The following PRKCB variants were observed in gnomAD, a reference collection of about 807,000 sequenced individuals.
PRKCB encodes the protein protein kinase C beta, also known as protein kinase C beta type.
PRKCB carries 13 observed loss-of-function variants against 81.5 expected under a neutral mutation model. That is an observed-to-expected ratio of 0.16 (90% CI 0.10 to 0.25). The LOEUF (loss-of-function observed/expected upper bound fraction) is 0.25, where lower values mean the gene tolerates loss of function less well. Among genes scored for constraint, PRKCB ranks in the 10% least tolerant of loss-of-function variants. The pLI, the probability that PRKCB is intolerant of heterozygous loss-of-function variation, is 1.00. For synonymous variants in PRKCB, 335 were observed against 321.4 expected, an observed-to-expected ratio of 1.04 and a Z score of -0.45; for missense variants, 509 against 875.7, an observed-to-expected ratio of 0.58 and a Z score of 5.29.
Position 24,217,607 on chromosome 16 carries a change from G to A in PRKCB, c.*2791G>A, listed in dbSNP as rs1421578589. ...TGCCCACAGGACAAAGTCCATAAAA[G>A]CAAGTCCTGTCTGGACCATGTGGTT... On this transcript the variant is annotated 3_prime_UTR_variant, in exon 17 of 17. Coordinates refer to ENST00000643927, the MANE Select transcript of PRKCB (RefSeq NM_002738.7). 1.0e-6 allele frequency: 1 copy of A among 985,306 alleles called. No homozygotes were observed. The highest frequency in any genetic ancestry group is 1.2e-6 in the Non-Finnish European group (1 of 829,974). 61.0% of individuals were successfully genotyped at this position (985,306 alleles called of 1,614,324 possible).
intron 15 of PRKCB, among the ~76,000 whole-genome samples, chr16:24,190,059 GCGCATCTATTCATC>G (rs1392533273): frequency 6.6e-6 from 1 of 152,094 alleles, no homozygotes; most frequent in Non-Finnish European, 1.5e-5. Context: ...TTTCATCTTG[GCGCATCTATTCATC>G]TTGTTATTTA....
intron 2 of PRKCB, among the ~76,000 whole-genome samples, chr16:23,958,764 A>G (rs898589890): frequency 6.8e-5 from 8 of 116,858 alleles, no homozygotes; most frequent in African/African-American, 2.4e-4. Context: ...CCCTCTTCTT[A>G]TTCCTCCTCC....
intron 12 of PRKCB, among the ~76,000 whole-genome samples, chr16:24,177,325 A>C (rs1395065275): frequency 2.6e-5 from 4 of 152,144 alleles, no homozygotes; most frequent in Non-Finnish European, 5.9e-5. Context: ...GATGATACCT[A>C]TTCCAAAGCC....
intron 2 of PRKCB, among the ~76,000 whole-genome samples, chr16:23,965,974 A>G (rs1227288287): frequency 1.2e-4 from 18 of 152,338 alleles, no homozygotes; most frequent in Non-Finnish European, 1.5e-4. Context: ...ACTTCAGTCT[A>G]TGAAGCTGGA....
intron 15 of PRKCB, among the ~76,000 whole-genome samples, chr16:24,189,569 G>A (rs1160850120): frequency 6.6e-6 from 1 of 151,324 alleles, no homozygotes. Context: ...GTGAACCCGG[G>A]AGGTGGAGCT....
chr16:24,021,075 C>CCTTTCTTTCTTTCTTTT (rs1567346868), intron 3 of PRKCB, among the ~76,000 whole-genome samples: 1 of 121,988 alleles, frequency 8.2e-6, no homozygotes, highest in African/African-American at 3.0e-5. Flanking sequence ...TCCCTCCCTT[C>CCTTTCTTTCTTTCTTTT]TTTCTTTCTT....
At chr16:23,856,903 A>G (rs902940915) in intron 2 of PRKCB, among the ~76,000 whole-genome samples, 17 of 152,196 alleles carry the variant, frequency 1.1e-4, no homozygotes, top group Non-Finnish European at 1.9e-4. Flanking sequence ...CTCTTACTGC[A>G]GGTAACTGTC....
chr16:24,191,403 C>T lies in PRKCB; in HGVS notation c.1863+173C>T, dbSNP rs146665111. 1,766 of 691,014 alleles carry T rather than the reference C, an allele frequency of 2.6e-3. 23 individuals are homozygous for T. The African/African-American group carries it at 0.029, about 11-fold the overall frequency. The allele number at this position is 691,014 out of a possible 1,614,324, so 42.8% of individuals were successfully genotyped here. A position where few individuals can be genotyped will look rare whatever the true frequency, so the allele number is the denominator to read the frequency against. ...CACTGGTTACTAAGATGGACATTTTCCATTGGCCCAGCTTAGTCTCTATAA... is the reference window on the plus strand; with the variant it reads ...CACTGGTTACTAAGATGGACATTTTTCATTGGCCCAGCTTAGTCTCTATAA... On this transcript the variant is annotated intron_variant, in intron 16 of 16. Coordinates refer to ENST00000643927, the MANE Select transcript of PRKCB (RefSeq NM_002738.7).
At chr16:23,932,364 G>T (rs1963990361) in intron 2 of PRKCB, among the ~76,000 whole-genome samples, 1 of 152,202 alleles carries the variant, frequency 6.6e-6, no homozygotes, top group South Asian at 2.1e-4. Flanking sequence ...GAGATATGCT[G>T]AAGAATTTAT....
At chr16:24,035,320 A>T in intron 4 of PRKCB, 99 bp from the exon 5 acceptor site, 2 of 1,461,240 alleles carry the variant, frequency 1.4e-6, no homozygotes, top group Non-Finnish European at 1.9e-6. Flanking sequence ...GTCTCAAAGG[A>T]GGGAAACAGG....
chr16:23,964,303 T>C (rs1484981739), intron 2 of PRKCB, among the ~76,000 whole-genome samples: 3 of 152,184 alleles, frequency 2.0e-5, no homozygotes, highest in Admixed American at 6.5e-5. Context: ...TGTGGATCCA[T>C]GGACTGAATT....
At chr16:23,894,613 G>A (rs552256287) in intron 2 of PRKCB, among the ~76,000 whole-genome samples, 2 of 152,344 alleles carry the variant, frequency 1.3e-5, no homozygotes, top group South Asian at 4.1e-4. Context: ...GTGTGCACAG[G>A]TGACACCATG....
intron 2 of PRKCB, among the ~76,000 whole-genome samples, chr16:23,865,095 G>A (rs557775926): frequency 1.3e-5 from 2 of 152,096 alleles, no homozygotes; most frequent in Admixed American, 6.6e-5. Context: ...TGACCAAGCT[G>A]ACATTATGAC....
At chr16:24,194,079 C>T (rs1487654852) in intron 16 of PRKCB, among the ~76,000 whole-genome samples, 1 of 152,164 alleles carries the variant, frequency 6.6e-6, no homozygotes, top group Non-Finnish European at 1.5e-5. Context: ...GTAATCCCAG[C>T]ACTTTGGGAG....
intron 15 of PRKCB, among the ~76,000 whole-genome samples, chr16:24,190,772 C>T (rs1031912183): frequency 6.6e-6 from 1 of 152,026 alleles, no homozygotes; most frequent in Non-Finnish European, 1.5e-5. Context: ...CCGCCTAGGC[C>T]TCCCAAAGTG....
intron 3 of PRKCB, among the ~76,000 whole-genome samples, chr16:24,026,352 C>G (rs926646510): frequency 2.0e-5 from 3 of 152,216 alleles, no homozygotes; most frequent in East Asian, 3.8e-4. Context: ...TTTCCCTTCC[C>G]ATTCTTTGTG....
chr16:24,021,064 C>A (rs1368608148), intron 3 of PRKCB, among the ~76,000 whole-genome samples: 1 of 62,442 alleles, frequency 1.6e-5, no homozygotes, highest in Non-Finnish European at 3.2e-5. Context: ...CTTTCCCTCC[C>A]TCCCTCCCTT....
Position 24,220,218 on chromosome 16 carries a change from C to T in PRKCB, c.*5402C>T, listed in dbSNP as rs1021443938. The T allele has an allele frequency of 2.2e-5, 31 of 1,401,260 alleles. No individual in the cohort carries two copies. Among genetic ancestry groups the T allele is most frequent in the Non-Finnish European group, 2.8e-5 (29 of 1,022,904 alleles). 86.8% of individuals were successfully genotyped at this position (1,401,260 alleles called of 1,614,324 possible). On this transcript the variant is annotated 3_prime_UTR_variant, in exon 17 of 17. Coordinates refer to ENST00000643927, the MANE Select transcript of PRKCB (RefSeq NM_002738.7). ...TCACGGTGCACATGCTGGCATTCAA[C>T]ATGTGGAAAGCTTGTCTTAGAGGGC...
intron 9 of PRKCB, among the ~76,000 whole-genome samples, chr16:24,131,038 A>G (rs922500775): frequency 2.0e-5 from 3 of 152,148 alleles, no homozygotes; most frequent in African/African-American, 7.2e-5. Flanking sequence ...TTTCTGTGAC[A>G]TTTCTTTGTG....
Sources: gnomAD v4.1 joint callset for allele counts (sites outside exome capture counted in the v4.1 genomes callset) on GRCh38, gnomAD v4.1.1 for gene constraint, MANE v1.5 for transcripts, NCBI Gene and HGNC (gene_info 2026-07-23, HGNC 2026-07-21) for gene names.